The following FOSL2 variants were observed in gnomAD, a reference collection of about 807,000 sequenced individuals.
The protein encoded by FOSL2 is fos-related antigen 2.
FOSL2 carries 3 observed loss-of-function variants against 27.7 expected under a neutral mutation model. The ratio of observed to expected loss-of-function variants is 0.11; its 90% CI spans 0.05 to 0.28. The LOEUF is 0.28. Among genes scored for constraint, FOSL2 ranks in the 10% least tolerant of loss-of-function variants. FOSL2 has a pLI of 1.00. For synonymous variants in FOSL2, 179 were observed against 190.1 expected, an observed-to-expected ratio of 0.94 and a Z score of 0.48; for missense variants, 333 against 445.1, an observed-to-expected ratio of 0.75 and a Z score of 2.27.
In FOSL2 at chr2:28,408,717, A is replaced by G. The variant is rs1468026245; in HGVS notation, c.355-42A>G. ...CAGTTTTTAAAAAATACTGTGAACC[A>G]TTGTCTCTGTTCTAACCATGATCCT... On this transcript the variant is annotated intron_variant, in intron 2 of 3. Transcript: ENST00000264716. This position sits in a 1 kb window ranked among gnomAD's most constrained non-coding sequence, Gnocchi z 4.1. 5 of 1,389,510 alleles carry G rather than the reference A, an allele frequency of 3.6e-6. No homozygotes were observed. Among genetic ancestry groups the G allele is most frequent in the East Asian group, 2.5e-5 (1 of 39,690 alleles). 86.1% of individuals were successfully genotyped at this position (1,389,510 alleles called of 1,614,324 possible).
At position 28,407,641 on chromosome 2, in the gene FOSL2, G is replaced by C. The variant is rs544197607; in HGVS notation, c.355-1118G>C. Among the ~76,000 whole-genome samples the C allele has an allele frequency of 3.9e-5, 6 of 152,352 alleles. No individual in the cohort carries two copies. In the East Asian group the frequency reaches 9.6e-4, roughly 24 times the overall value. On this transcript the variant is annotated intron_variant, in intron 2 of 3. Transcript: ENST00000264716. ...AGGTGTCCCGTGAGAGCTGACCCAGGTCTTATTCCCCTTGAGATCTTCTAA... is the reference window on the plus strand; with the variant it reads ...AGGTGTCCCGTGAGAGCTGACCCAGCTCTTATTCCCCTTGAGATCTTCTAA...
chr2:28,413,263 A>G lies in FOSL2; in HGVS notation c.*815A>G, dbSNP rs959644411. On this transcript the variant is annotated 3_prime_UTR_variant, in exon 4 of 4. Transcript: ENST00000264716. The stretch of plus-strand genomic sequence containing the variant: ...ACGCCTAATTACCAGGCCAGGAAGC[A>G]TGCCAACAAAGCCACACGGGTGTCC... 1.8e-5 allele frequency: 7 copies of G among 385,694 alleles called. No individual in the cohort carries two copies. Among genetic ancestry groups the G allele is most frequent in the Non-Finnish European group, 3.2e-5 (7 of 218,462 alleles). The allele number at this position is 385,694 out of a possible 1,614,324, so 23.9% of individuals were successfully genotyped here.
At chr2:28,409,420 A>G (rs1460605658) in intron 3 of FOSL2, among the ~76,000 whole-genome samples, 2 of 152,170 alleles carry the variant, frequency 1.3e-5, no homozygotes, top group African/African-American at 4.8e-5. Context: ...CCCCACCTCT[A>G]TCATGAACTC....
Position 28,414,043 on chromosome 2 carries a change from G to T in FOSL2, c.*1595G>T, listed in dbSNP as rs780114265. On this transcript the variant is annotated 3_prime_UTR_variant, in exon 4 of 4. Coordinates refer to ENST00000264716, the MANE Select transcript of FOSL2 (RefSeq NM_005253.4). ...TGGCTCCTGCTGAGTTTCTTGTCCA[G>T]CAGGGCCTTGACAGGAATCCAGGGA... 6 of 387,966 alleles carry T rather than the reference G, an allele frequency of 1.5e-5. No individual in the cohort carries two copies. Among genetic ancestry groups the T allele is most frequent in the Non-Finnish European group, 2.7e-5 (6 of 219,858 alleles). The allele number at this position is 387,966 out of a possible 1,614,324, so 24.0% of individuals were successfully genotyped here.
In FOSL2 at chr2:28,412,346, C is replaced by T. The variant is rs142933178; in HGVS notation, c.879C>T (p.Pro293=). The stretch of plus-strand genomic sequence containing the variant: ...CTAGCGTCCTGGAGCAGGAGTCACC[C>T]GCATCTCCCTCCGAATCCTGCTCCA... ...TYPSVLEQES[P]ASPSESCSKA... is the part of the protein sequence containing the mutation. The change falls in exon 4 of 4, where the codon CCC becomes CCT. Residue 293 remains proline (P), a synonymous_variant. Transcript: ENST00000264716. This position sits in a 1 kb window ranked among gnomAD's most constrained non-coding sequence, Gnocchi z 7.1. 402 of 1,613,154 alleles carry T rather than the reference C, an allele frequency of 2.5e-4. 2 individuals are homozygous for T. The highest frequency in any genetic ancestry group is 3.3e-4 in the Non-Finnish European group (393 of 1,180,018).
chr2:28,411,398 C>A (rs1308775095), intron 3 of FOSL2, among the ~76,000 whole-genome samples: 1 of 152,060 alleles, frequency 6.6e-6, no homozygotes, highest in Non-Finnish European at 1.5e-5. Flanking sequence ...GTGTTCCGTA[C>A]CCCCTTCTCC....
In FOSL2 at chr2:28,393,583, G is replaced by A; in HGVS notation, c.-138G>A. The A allele has an allele frequency of 4.8e-6, 3 of 620,164 alleles. No individual in the cohort carries two copies. The highest frequency in any genetic ancestry group is 2.0e-5 in the South Asian group (1 of 48,900). The allele number at this position is 620,164 out of a possible 1,614,324, so 38.4% of individuals were successfully genotyped here. A position where few individuals can be genotyped will look rare whatever the true frequency, so the allele number is the denominator to read the frequency against. Reference sequence around the variant, plus strand: ...CTCCCTGTCCTCGCCCTCCGCGGTGGGGGAGAAACCCAGGAGCGAAGCCCA... The same window carrying A: ...CTCCCTGTCCTCGCCCTCCGCGGTGAGGGAGAAACCCAGGAGCGAAGCCCA... On this transcript the variant is annotated 5_prime_UTR_variant, in exon 1 of 4. Transcript: ENST00000264716. The surrounding 1 kb of genome is among the most constrained non-coding windows in gnomAD (Gnocchi z 4.6).
In FOSL2 at chr2:28,393,683, A is replaced by C; in HGVS notation, c.-38A>C. On this transcript the variant is annotated 5_prime_UTR_variant, in exon 1 of 4. Transcript: ENST00000264716. The surrounding 1 kb of genome is among the most constrained non-coding windows in gnomAD (Gnocchi z 4.6). ...CGGCCGCGGCGAGGGCGGGGGAAGA[A>C]AAACACCCTGTTTCCTCTCCGGCCC... 6.6e-7 allele frequency: 1 copy of C among 1,504,028 alleles called. No individual in the cohort carries two copies. The highest frequency in any genetic ancestry group is 9.1e-7 in the Non-Finnish European group (1 of 1,100,634). 93.2% of individuals were successfully genotyped at this position (1,504,028 alleles called of 1,614,324 possible).
chr2:28,413,300 C>T lies in FOSL2; in HGVS notation c.*852C>T, dbSNP rs1664242326. 2.5e-6 allele frequency: 1 copy of T among 395,418 alleles called. No homozygotes were observed. The highest frequency in any genetic ancestry group is 4.5e-6 in the Non-Finnish European group (1 of 224,708). 24.5% of individuals were successfully genotyped at this position (395,418 alleles called of 1,614,324 possible). On this transcript the variant is annotated 3_prime_UTR_variant, in exon 4 of 4. Transcript: ENST00000264716. ...CCACACGGGTGTCCTAGCCAGCTTC[C>T]CTTCACCTGGTGTCTTGAGTAGGGC...
At chr2:28,399,393 A>C (rs1446581135) in intron 1 of FOSL2, among the ~76,000 whole-genome samples, 1 of 152,210 alleles carries the variant, frequency 6.6e-6, no homozygotes, top group African/African-American at 2.4e-5. Context: ...ATAGAGTCTC[A>C]GGAGGCAGTT....
intron 2 of FOSL2, among the ~76,000 whole-genome samples, chr2:28,405,187 A>G (rs1030900067): frequency 6.6e-6 from 1 of 152,166 alleles, no homozygotes; most frequent in African/African-American, 2.4e-5. Flanking sequence ...AATCAGAATC[A>G]TGCATAATTC....
intron 2 of FOSL2, among the ~76,000 whole-genome samples, chr2:28,405,438 G>A (rs1259754401): frequency 6.6e-6 from 1 of 152,154 alleles, no homozygotes; most frequent in Non-Finnish European, 1.5e-5. Context: ...TTGTTATCCT[G>A]GGAAACTATT....
intron 1 of FOSL2, among the ~76,000 whole-genome samples, chr2:28,394,145 C>G (rs866303621): frequency 7.7e-6 from 1 of 129,348 alleles, no homozygotes; most frequent in Non-Finnish European, 1.7e-5. Flanking sequence ...CTGCCCCCCC[C>G]CCCCCACCCC....
chr2:28,415,564 C>G lies in FOSL2; in HGVS notation c.*3116C>G, dbSNP rs1215534946. On this transcript the variant is annotated 3_prime_UTR_variant, in exon 4 of 4. Coordinates refer to ENST00000264716, the MANE Select transcript of FOSL2 (RefSeq NM_005253.4). The stretch of plus-strand genomic sequence containing the variant: ...CCAAGTGTGGTTGAATTGTCTGGAG[C>G]ACTGGGACTTTTTTTCTCTTTTCCT... The G allele has an allele frequency of 6.6e-6, 1 of 152,212 alleles. No individual in the cohort carries two copies. The highest frequency in any genetic ancestry group is 1.9e-4 in the East Asian group (1 of 5,192). 9.4% of individuals were successfully genotyped at this position (152,212 alleles called of 1,614,324 possible). A position where few individuals can be genotyped will look rare whatever the true frequency, so the allele number is the denominator to read the frequency against.
chr2:28,402,939 A>G (rs938518831), intron 1 of FOSL2, among the ~76,000 whole-genome samples: 1 of 152,248 alleles, frequency 6.6e-6, no homozygotes, highest in Non-Finnish European at 1.5e-5. Flanking sequence ...AATTAGTGAG[A>G]TAATCTAGGT....
At position 28,412,326 on chromosome 2, in the gene FOSL2, G is replaced by A. The variant is rs1331696016; in HGVS notation, c.859G>A (p.Val287Ile). 21 of 1,613,730 alleles carry A rather than the reference G, an allele frequency of 1.3e-5. No individual in the cohort carries two copies. Among genetic ancestry groups the A allele is most frequent in the South Asian group, 2.2e-5 (2 of 91,084 alleles). The change falls in exon 4 of 4, where the codon GTC (valine) becomes ATC (isoleucine). Residue 287 changes from valine to isoleucine, a missense_variant. Around this residue, in one of 4 missense-constraint regions of FOSL2, gnomAD observed 26 missense variants for 59.3 expected, o/e 0.44. Coordinates refer to ENST00000264716, the MANE Select transcript of FOSL2 (RefSeq NM_005253.4). This position sits in a 1 kb window ranked among gnomAD's most constrained non-coding sequence, Gnocchi z 7.1. ...TSNLVFTYPS[V>I]LEQESPASPS... ...GAACCTCGTCTTCACCTATCCTAGC[G>A]TCCTGGAGCAGGAGTCACCCGCATC...
chr2:28,412,548 G>C lies in FOSL2; in HGVS notation c.*100G>C. On this transcript the variant is annotated 3_prime_UTR_variant, in exon 4 of 4. Coordinates refer to ENST00000264716, the MANE Select transcript of FOSL2 (RefSeq NM_005253.4). This position sits in a 1 kb window ranked among gnomAD's most constrained non-coding sequence, Gnocchi z 7.1. ...CGCTCCAGGGCCGTGAGGGCAAGAG[G>C]GGGACCTGCCACCAGGGAGCTTCCT... is the stretch of plus-strand genomic sequence containing the variant. The C allele has an allele frequency of 7.2e-7, 1 of 1,394,872 alleles. No homozygotes were observed. Among genetic ancestry groups the C allele is most frequent in the South Asian group, 1.4e-5 (1 of 73,896 alleles). The allele number at this position is 1,394,872 out of a possible 1,614,324, so 86.4% of individuals were successfully genotyped here. A position where few individuals can be genotyped will look rare whatever the true frequency, so the allele number is the denominator to read the frequency against.
In FOSL2 at chr2:28,408,854, G is replaced by A; in HGVS notation, c.450G>A (p.Glu150=). The A allele has an allele frequency of 1.2e-6, 2 of 1,609,286 alleles. No homozygotes were observed. Among genetic ancestry groups the A allele is most frequent in the Non-Finnish European group, 1.7e-6 (2 of 1,177,664 alleles). ...KCRNRRRELT[E]KLQAETEELE... ...GGAACCGACGCCGGGAGCTGACAGA[G>A]AAGCTGCAGGCGGTGAGGAACTCTG... The change falls in exon 3 of 4, where the codon GAG becomes GAA. Residue 150 remains glutamate, a synonymous_variant. Coordinates refer to ENST00000264716, the MANE Select transcript of FOSL2 (RefSeq NM_005253.4). The surrounding 1 kb of genome is among the most constrained non-coding windows in gnomAD (Gnocchi z 4.1).
In FOSL2 at chr2:28,413,964, C is replaced by T; in HGVS notation, c.*1516C>T. On this transcript the variant is annotated 3_prime_UTR_variant, in exon 4 of 4. Transcript: ENST00000264716. ...GTCCCCCTGGCCTCCAGCAGGAGCACAGCTCAGCAGGGTCCCTGCTGCCCA... is the reference window on the plus strand; with the variant it reads ...GTCCCCCTGGCCTCCAGCAGGAGCATAGCTCAGCAGGGTCCCTGCTGCCCA... 2.5e-6 allele frequency: 1 copy of T among 397,184 alleles called. No individual in the cohort carries two copies. The allele number at this position is 397,184 out of a possible 1,614,324, so 24.6% of individuals were successfully genotyped here.
Sources: gnomAD v4.1 joint callset for allele counts (sites outside exome capture counted in the v4.1 genomes callset) on GRCh38, gnomAD v4.1.1 for gene constraint, gnomAD v4.1.1 regional missense constraint, Gnocchi (gnomAD v3.1) non-coding constraint, MANE v1.5 for transcripts, NCBI Gene and HGNC (gene_info 2026-07-23, HGNC 2026-07-21) for gene names.